PCNT: variants seen among roughly 807,000 people sequenced by gnomAD.
PCNT encodes kendrin.
In PCNT, 319 loss-of-function variants were observed where a neutral mutation model predicts 380.4. That is an observed-to-expected ratio of 0.84 (90% CI 0.77 to 0.92). The LOEUF is 0.92. Among genes scored for constraint, PCNT ranks in the 40% least tolerant of loss-of-function variants. PCNT has a pLI of 0.00. For missense variants in PCNT, 4,400 were observed against 4,255.3 expected, an observed-to-expected ratio of 1.03 and a Z score of -0.95; for synonymous variants, 1,845 against 1,735.2, an observed-to-expected ratio of 1.06 and a Z score of -1.57.
At chr21:46,341,543 T>C (rs2083909692) in intron 3 of PCNT, among the ~76,000 whole-genome samples, 1 of 152,086 alleles carries the variant, frequency 6.6e-6, no homozygotes, top group African/African-American at 2.4e-5. Context: ...TTTTTAAATT[T>C]TTTTGTAGAG....
At chr21:46,389,012 T>C in intron 18 of PCNT, 128 bp downstream of exon 18, 1 of 1,425,874 alleles carries the variant, frequency 7.0e-7, no homozygotes. Flanking sequence ...TTCCTGCTAG[T>C]TTCCGCACTT....
chr21:46,355,544 G>T lies in PCNT; in HGVS notation c.1854G>T (p.Gly618=), dbSNP rs746375601. The change falls in exon 12 of 47, where the codon GGG becomes GGT. Residue 618 remains glycine (G), a synonymous_variant. Coordinates refer to ENST00000359568, the MANE Select transcript of PCNT (RefSeq NM_006031.6). ...LESPLCIQHE[G]HVSDRCCVET... Reference sequence around the variant, plus strand: ...CTCCCCTCTGCATCCAGCACGAGGGGCATGTCTCAGACAGATGCTGCGTAG... The same window carrying T: ...CTCCCCTCTGCATCCAGCACGAGGGTCATGTCTCAGACAGATGCTGCGTAG... 1 of 1,614,146 alleles carries T rather than the reference G, an allele frequency of 6.2e-7. No homozygotes were observed. Among genetic ancestry groups the T allele is most frequent in the Non-Finnish European group, 8.5e-7 (1 of 1,180,018 alleles).
chr21:46,404,836 G>C (rs2147562012), intron 27 of PCNT, among the ~76,000 whole-genome samples: 1 of 152,228 alleles, frequency 6.6e-6, no homozygotes, highest in Middle Eastern at 3.4e-3. Flanking sequence ...TCCGGAGACT[G>C]AGGCAGGAGA....
chr21:46,412,805 A>T, intron 28 of PCNT, 32 bp from the exon 29 acceptor site: 1 of 1,606,950 alleles, frequency 6.2e-7, no homozygotes, highest in Non-Finnish European at 8.5e-7. Context: ...AGCCTCCTGC[A>T]TGCTCAGCTT....
rs554171849 is a variant in PCNT at position 46,351,878 on chromosome 21, A to G, written c.1456+338A>G. Among the ~76,000 whole-genome samples, 251 of 152,334 alleles carry G rather than the reference A, an allele frequency of 1.6e-3. 3 individuals are homozygous for G. Among genetic ancestry groups the G allele is most frequent in the South Asian group, 4.6e-3 (22 of 4,830 alleles). Reference sequence around the variant, plus strand: ...TCGGAAGGACGGTTGAGTGCTGTCCAAGTGCGGGCTCACCTGGTGTCTGGG... The same window carrying G: ...TCGGAAGGACGGTTGAGTGCTGTCCGAGTGCGGGCTCACCTGGTGTCTGGG... On this transcript the variant is annotated intron_variant, in intron 9 of 46. Coordinates refer to ENST00000359568, the MANE Select transcript of PCNT (RefSeq NM_006031.6).
chr21:46,377,557 T>C (rs1166656631), intron 15 of PCNT, among the ~76,000 whole-genome samples: 2 of 152,198 alleles, frequency 1.3e-5, no homozygotes, highest in Non-Finnish European at 2.9e-5. Flanking sequence ...GAAAAGTTTA[T>C]TCTAAAATAT....
chr21:46,334,368 A>G, intron 2 of PCNT, 29 bp from the exon 3 acceptor site: 2 of 1,613,990 alleles, frequency 1.2e-6, no homozygotes, highest in Non-Finnish European at 1.7e-6. Flanking sequence ...CTTGCTTTAA[A>G]TGCTTCTTTC....
At chr21:46,443,995 C>T (rs766842443) in intron 45 of PCNT, 47 bp downstream of exon 45, 5 of 1,594,962 alleles carry the variant, frequency 3.1e-6, no homozygotes, top group Non-Finnish European at 4.3e-6. Flanking sequence ...GGCTCTCCCT[C>T]CAGCCTACAT....
chr21:46,354,180 A>G, intron 11 of PCNT, 112 bp downstream of exon 11: 2 of 977,252 alleles, frequency 2.0e-6, no homozygotes, highest in Non-Finnish European at 3.2e-6. Flanking sequence ...TGTCCAGGGG[A>G]GGAAGGCTGC....
chr21:46,405,644 C>T (rs532700853), intron 27 of PCNT, among the ~76,000 whole-genome samples: 17 of 151,928 alleles, frequency 1.1e-4, no homozygotes, highest in African/African-American at 3.1e-4. Flanking sequence ...GGCAGTGAGC[C>T]GAGATTGCGC....
chr21:46,426,828 C>T (rs1437167803), intron 33 of PCNT, among the ~76,000 whole-genome samples: 3 of 152,216 alleles, frequency 2.0e-5, no homozygotes, highest in African/African-American at 7.2e-5. Flanking sequence ...TCTCCGTGCC[C>T]ACCCTGTCCT....
intron 5 of PCNT, 145 bp downstream of exon 5, chr21:46,347,143 CA>C (rs1310733975): frequency 2.1e-5 from 23 of 1,079,910 alleles, no homozygotes; most frequent in Non-Finnish European, 2.6e-5. Context: ...TGTCTGGCAC[CA>C]TGAGAGGGGT....
At chr21:46,380,067 C>T (rs1394852976) in intron 15 of PCNT, among the ~76,000 whole-genome samples, 1 of 151,634 alleles carries the variant, frequency 6.6e-6, no homozygotes, top group African/African-American at 2.4e-5. Context: ...TTATTAGTCC[C>T]AACTGGTTTC....
At chr21:46,365,037 C>T (rs1488666188) in intron 14 of PCNT, among the ~76,000 whole-genome samples, 1 of 152,254 alleles carries the variant, frequency 6.6e-6, no homozygotes, top group Non-Finnish European at 1.5e-5. Context: ...GCAGGTCCTT[C>T]TGTGAGGACT....
intron 31 of PCNT, among the ~76,000 whole-genome samples, chr21:46,421,472 CCTT>C (rs1223899973): frequency 6.6e-6 from 1 of 152,040 alleles, no homozygotes; most frequent in Non-Finnish European, 1.5e-5. Flanking sequence ...GAATTTTCCT[CCTT>C]GAGACCCCAT....
At position 46,424,989 on chromosome 21, in the gene PCNT, C is replaced by T. The variant is rs75996992; in HGVS notation, c.7180-842C>T. Among the ~76,000 whole-genome samples, 35 of 152,270 alleles carry T rather than the reference C, an allele frequency of 2.3e-4. 1 individual carries two copies. In the East Asian group the frequency reaches 6.4e-3, roughly 28 times the overall value. On this transcript the variant is annotated intron_variant, in intron 32 of 46. Transcript: ENST00000359568. Reference sequence around the variant, plus strand: ...AAGCCTATTTTCAGTCAGTCACACCCGTCGTAGGCTTCATCATTGCCTCAT... The same window carrying T: ...AAGCCTATTTTCAGTCAGTCACACCTGTCGTAGGCTTCATCATTGCCTCAT...
chr21:46,410,867 C>G (rs899117814), intron 27 of PCNT, among the ~76,000 whole-genome samples: 1 of 152,164 alleles, frequency 6.6e-6, no homozygotes, highest in Non-Finnish European at 1.5e-5. Flanking sequence ...TCAAACAAAT[C>G]AAAGTTGTTT....
chr21:46,430,260 C>T, intron 36 of PCNT, 28 bp downstream of exon 36: 2 of 1,586,782 alleles, frequency 1.3e-6, no homozygotes, highest in East Asian at 2.2e-5. Context: ...TCCTGGGACA[C>T]TGGCGGGAGT....
chr21:46,375,470 C>A (rs2085304246), intron 15 of PCNT, among the ~76,000 whole-genome samples: 1 of 152,148 alleles, frequency 6.6e-6, no homozygotes, highest in Non-Finnish European at 1.5e-5. Flanking sequence ...TTTAGAAAAA[C>A]CTGAAAATAA....
Sources: gnomAD v4.1 joint callset for allele counts (sites outside exome capture counted in the v4.1 genomes callset) on GRCh38, gnomAD v4.1.1 for gene constraint, MANE v1.5 for transcripts, NCBI Gene and HGNC (gene_info 2026-07-23, HGNC 2026-07-21) for gene names.